ANO5: variants seen among roughly 807,000 people sequenced by gnomAD.
ANO5 encodes anoctamin-5.
ANO5 carries 109 observed loss-of-function variants against 121.0 expected under a neutral mutation model. That is an observed-to-expected ratio of 0.90 (90% CI 0.77 to 1.06). The LOEUF is 1.06. Among genes scored for constraint, ANO5 ranks in the 50% least tolerant of loss-of-function variants. The pLI is 0.00. For missense variants in ANO5, 1,064 were observed against 1,078.5 expected (o/e 0.99, Z 0.19); for synonymous variants, 406 against 359.9 (o/e 1.13, Z -1.45).
chr11:22,232,320 A>G (rs573799506), intron 7 of ANO5, among the ~76,000 whole-genome samples: 1 of 152,082 alleles, frequency 6.6e-6, no homozygotes, highest in African/African-American at 2.4e-5. Context: ...CCATCTAGAT[A>G]CGCAATTTTG....
intron 16 of ANO5, 131 bp downstream of exon 16, chr11:22,262,429 G>C: frequency 1.0e-6 from 1 of 958,520 alleles, no homozygotes. Flanking sequence ...TATCCACAGA[G>C]AGTATTGTTC....
intron 19 of ANO5, 106 bp downstream of exon 19, chr11:22,273,095 T>TA: frequency 8.1e-7 from 1 of 1,229,712 alleles, no homozygotes; most frequent in Non-Finnish European, 1.2e-6. Flanking sequence ...GGTGATACTT[T>TA]ATAAAGCTAA....
At chr11:22,271,165 G>C (rs1854598610) in intron 18 of ANO5, among the ~76,000 whole-genome samples, 1 of 152,120 alleles carries the variant, frequency 6.6e-6, no homozygotes, top group Admixed American at 6.5e-5. Flanking sequence ...CGATTCTCCT[G>C]CTTCAGGAGA....
chr11:22,273,230 T>C (rs1854694363), intron 19 of ANO5, among the ~76,000 whole-genome samples: 1 of 152,068 alleles, frequency 6.6e-6, no homozygotes, highest in Non-Finnish European at 1.5e-5. Context: ...TCACAGCATG[T>C]GACAAAGCAG....
rs769229046 is a variant in ANO5, at chr11:22,273,006, C to T, written c.2235+17C>T. On this transcript the variant is annotated intron_variant, in intron 19 of 21. Transcript: ENST00000324559. ...GCAACTAATGTAAGTGGACCTATTT[C>T]GGTGGGGTGACTTTGTATTTCATTT... 8.1e-6 allele frequency: 13 copies of T among 1,608,230 alleles called. No individual in the cohort carries two copies. In the Admixed American group the frequency reaches 1.5e-4, roughly 19 times the overall value.
chr11:22,272,516 A>T (rs1391754896), intron 18 of ANO5, among the ~76,000 whole-genome samples: 1 of 152,204 alleles, frequency 6.6e-6, no homozygotes, highest in East Asian at 1.9e-4. Flanking sequence ...AAAGAGGAAT[A>T]GAATCTTCCT....
At chr11:22,201,498 C>T (rs938191183) in intron 1 of ANO5, among the ~76,000 whole-genome samples, 1 of 152,026 alleles carries the variant, frequency 6.6e-6, no homozygotes, top group Non-Finnish European at 1.5e-5. Context: ...TGAAGAATTA[C>T]CCAGGGCAAG....
At chr11:22,209,216 A>T (rs1442024491) in intron 2 of ANO5, among the ~76,000 whole-genome samples, 1 of 151,988 alleles carries the variant, frequency 6.6e-6, no homozygotes, top group African/African-American at 2.4e-5. Context: ...GTATGAGTCC[A>T]TCATTGGACA....
intron 17 of ANO5, among the ~76,000 whole-genome samples, chr11:22,267,524 A>ATATATATATATATATATATATAT (rs141657651): frequency 1.4e-5 from 2 of 144,646 alleles, no homozygotes; most frequent in African/African-American, 5.6e-5. Context: ...ATATATATAT[A>ATATATATATATATATATATATAT]AAATCTATCT....
chr11:22,195,895 A>G (rs529172333), intron 1 of ANO5, among the ~76,000 whole-genome samples: 13 of 152,326 alleles, frequency 8.5e-5, no homozygotes, highest in Middle Eastern at 3.4e-3. Context: ...AAATTCCTGT[A>G]TCTAGATATA....
chr11:22,192,690 C>T (rs1174210288), upstream of ANO5, among the ~76,000 whole-genome samples: 1 of 152,198 alleles, frequency 6.6e-6, no homozygotes, highest in Non-Finnish European at 1.5e-5. Context: ...CATCGGGACC[C>T]CCTTTGGGGA....
chr11:22,263,043 C>T lies in ANO5; in HGVS notation c.1898C>T (p.Pro633Leu), dbSNP rs1253384869. ...IFGNIKEAIYPLALNWWRRRK... is the reference protein window; with the variant it reads ...IFGNIKEAIYLLALNWWRRRK... ...GGAAACATTAAAGAAGCCATTTATC[C>T]GTATGTATGACTTACAAGCTTTTTA... The change falls in exon 17 of 22, where the codon CCC becomes CTC. Residue 633 changes from proline to leucine, a missense_variant and splice_region_variant. By Grantham distance (98) the Pro-to-Leu change is moderately conservative. Transcript: ENST00000324559. The T allele has an allele frequency of 5.0e-6, 8 of 1,600,374 alleles. No homozygotes were observed. Among genetic ancestry groups the T allele is most frequent in the African/African-American group, 1.3e-5 (1 of 74,540 alleles).
At chr11:22,192,914 G>T (rs1161253816), upstream of ANO5, 2 of 930,176 alleles carry the variant, frequency 2.2e-6, no homozygotes, top group Non-Finnish European at 2.6e-6. Flanking sequence ...ACCTGGGGAC[G>T]GCTTGAGCGG....
At chr11:22,240,470 C>G (rs1271262979) in intron 9 of ANO5, among the ~76,000 whole-genome samples, 1 of 151,960 alleles carries the variant, frequency 6.6e-6, no homozygotes, top group Non-Finnish European at 1.5e-5. Context: ...ATGGATCCAT[C>G]CAAATCAACT....
At chr11:22,193,574 C>A (rs371308053) in intron 1 of ANO5, 42 bp downstream of exon 1, 13 of 1,600,636 alleles carry the variant, frequency 8.1e-6, no homozygotes, top group Non-Finnish European at 1.1e-5. Flanking sequence ...GCCAGGCTGG[C>A]TGCCTGCACC....
intron 2 of ANO5, 33 bp downstream of exon 2, chr11:22,203,883 T>A: frequency 7.4e-7 from 1 of 1,348,130 alleles, no homozygotes; most frequent in Non-Finnish European, 1.1e-6. Context: ...AACTTCCTTA[T>A]AAGTCAGAAT....
chr11:22,256,209 G>C (rs1014239713), intron 13 of ANO5, among the ~76,000 whole-genome samples: 3 of 152,064 alleles, frequency 2.0e-5, no homozygotes, highest in Admixed American at 1.3e-4. Flanking sequence ...TTAAAGACCA[G>C]AATCTTGGTT....
chr11:22,259,872 G>C, intron 15 of ANO5, 131 bp downstream of exon 15: 1 of 874,186 alleles, frequency 1.1e-6, no homozygotes, highest in South Asian at 1.4e-5. Context: ...TCTATAAATA[G>C]ACCCATATCT....
intron 1 of ANO5, among the ~76,000 whole-genome samples, chr11:22,194,862 T>C (rs539972273): frequency 7.2e-5 from 11 of 152,252 alleles, no homozygotes; most frequent in Non-Finnish European, 1.3e-4. Flanking sequence ...ATTTCCACTT[T>C]CTTTTGCTTC....
Sources: gnomAD v4.1 joint callset for allele counts (sites outside exome capture counted in the v4.1 genomes callset) on GRCh38, gnomAD v4.1.1 for gene constraint, MANE v1.5 for transcripts, NCBI Gene and HGNC (gene_info 2026-07-23, HGNC 2026-07-21) for gene names.